The following GLT1D1 variants were observed in gnomAD, a reference collection of about 807,000 sequenced individuals.
GLT1D1 encodes the protein glycosyltransferase 1 domain-containing protein 1.
GLT1D1 carries 21 observed loss-of-function variants against 28.7 expected under a neutral mutation model. That is an observed-to-expected ratio of 0.73 (90% CI 0.52 to 1.05). The LOEUF is 1.05. Among genes scored for constraint, GLT1D1 ranks in the 50% least tolerant of loss-of-function variants. The pLI, the probability that GLT1D1 is intolerant of heterozygous loss-of-function variation, is 0.00. For synonymous variants in GLT1D1, 147 were observed against 124.8 expected, an observed-to-expected ratio of 1.18 and a Z score of -1.19; for missense variants, 343 against 330.6, an observed-to-expected ratio of 1.04 and a Z score of -0.29.
At position 128,853,608 on chromosome 12, in the gene GLT1D1, G is replaced by T. The variant is rs1230585472; in HGVS notation, c.27G>T (p.Leu9=). Residue 9 remains leucine, a synonymous_variant, in exon 1 of 8, where the codon CTG becomes CTT. Transcript: ENST00000281703. ...TGCGGCTCCTGTTCCTGGCGGTGCT[G>T]CGGCCACACACCGGCAACGCGGTCA... is the stretch of plus-strand genomic sequence containing the variant. 8.5e-7 allele frequency: 1 copy of T among 1,178,096 alleles called. No individual in the cohort carries two copies. Among genetic ancestry groups the T allele is most frequent in the South Asian group, 2.3e-5 (1 of 43,092 alleles). 73.0% of individuals were successfully genotyped at this position (1,178,096 alleles called of 1,614,324 possible). A position where few individuals can be genotyped will look rare whatever the true frequency, so the allele number is the denominator to read the frequency against.
intron 1 of GLT1D1, among the ~76,000 whole-genome samples, chr12:128,855,293 G>C (rs574794363): frequency 6.6e-6 from 1 of 151,576 alleles, no homozygotes; most frequent in East Asian, 1.9e-4. Flanking sequence ...CTTTCATGGC[G>C]GCTCAAGCCT....
At chr12:128,873,623 A>G (rs1437054102) in intron 1 of GLT1D1, among the ~76,000 whole-genome samples, 1 of 152,154 alleles carries the variant, frequency 6.6e-6, no homozygotes, top group African/African-American at 2.4e-5. Flanking sequence ...GGTTGTACCA[A>G]TTTGCTCTCT....
intron 2 of GLT1D1, among the ~76,000 whole-genome samples, chr12:128,881,136 G>A (rs1593074719): frequency 6.7e-6 from 1 of 150,352 alleles, no homozygotes; most frequent in Non-Finnish European, 1.5e-5. Flanking sequence ...AGGAAGGCGA[G>A]TGGCGTGAAC....
chr12:128,982,970 A>C lies in GLT1D1; in HGVS notation c.681A>C (p.Ala227=). 1 of 1,614,174 alleles carries C rather than the reference A, an allele frequency of 6.2e-7. No homozygotes were observed. Among genetic ancestry groups the C allele is most frequent in the Non-Finnish European group, 8.5e-7 (1 of 1,179,992 alleles). ...CAAAGAGACTGGTTAGTGATCCTGC[A>C]TTAGAAAAGGAAATCGTAGTGAACG... Residue 227 remains alanine, a synonymous_variant, in exon 8 of 8, where the codon GCA becomes GCC. Coordinates refer to ENST00000281703, the MANE Select transcript of GLT1D1 (RefSeq NM_144669.3).
chr12:128,970,921 C>T (rs975908503), intron 7 of GLT1D1, among the ~76,000 whole-genome samples: 7 of 152,246 alleles, frequency 4.6e-5, no homozygotes, highest in Non-Finnish European at 1.5e-5. Context: ...CTGATATGGA[C>T]TGGGTGCTCA....
chr12:128,906,472 T>G (rs1870881566), intron 4 of GLT1D1, among the ~76,000 whole-genome samples: 1 of 152,192 alleles, frequency 6.6e-6, no homozygotes, highest in African/African-American at 2.4e-5. Context: ...ATGTCTCCAT[T>G]GGGCTCAAAA....
At chr12:128,879,454 CTTTCTTTT>C (rs1956979352) in intron 2 of GLT1D1, among the ~76,000 whole-genome samples, 4 of 94,070 alleles carry the variant, frequency 4.3e-5, no homozygotes, top group Admixed American at 1.2e-4. Context: ...TTCTTTCTTT[CTTTCTTTT>C]TTTTGGGGGG....
rs1297324758 is a variant in GLT1D1 at position 128,903,932 on chromosome 12, T to C, written c.375+4645T>C. On this transcript the variant is annotated intron_variant, in intron 4 of 7. Coordinates refer to ENST00000281703, the MANE Select transcript of GLT1D1 (RefSeq NM_144669.3). ...TTTTGGTAGAGACGGGGTTTCACCA[T>C]GTTGGCCAGGCTGGTCTCGAACTCC... Among the ~76,000 whole-genome samples, 4 of 151,776 alleles carry C rather than the reference T, an allele frequency of 2.6e-5. No individual in the cohort carries two copies. In the East Asian group the frequency reaches 7.7e-4, roughly 29 times the overall value.
chr12:128,952,738 G>A (rs1289950807), intron 6 of GLT1D1, among the ~76,000 whole-genome samples: 4 of 131,280 alleles, frequency 3.0e-5, no homozygotes, highest in African/African-American at 1.1e-4. Context: ...GCCTCCCAAA[G>A]TTCTGGGATT....
chr12:128,859,512 A>T (rs1020053318), intron 1 of GLT1D1, among the ~76,000 whole-genome samples: 25 of 152,238 alleles, frequency 1.6e-4, no homozygotes, highest in African/African-American at 5.3e-4. Context: ...ATTGAGTGGG[A>T]CGCCACTCCA....
chr12:128,958,769 A>AG (rs1877572422), intron 7 of GLT1D1, among the ~76,000 whole-genome samples: 1 of 149,518 alleles, frequency 6.7e-6, no homozygotes, highest in South Asian at 2.1e-4. Context: ...AAAAAAAAAA[A>AG]AAAAAAAAGG....
At chr12:128,948,381 A>G (rs1041722365) in intron 6 of GLT1D1, among the ~76,000 whole-genome samples, 4 of 152,118 alleles carry the variant, frequency 2.6e-5, no homozygotes, top group Non-Finnish European at 2.9e-5. Flanking sequence ...GGCTGGGCTC[A>G]CTCACACCAA....
chr12:128,927,030 T>C lies in GLT1D1; in HGVS notation c.376-18296T>C, dbSNP rs555593759. ...AATTTATGTTATTGAGAAATTTATA[T>C]TGAAGTTAGTTGTGCTTGCAGCTGT... On this transcript the variant is annotated intron_variant, in intron 4 of 7. Transcript: ENST00000281703. 88 of 917,436 alleles carry C rather than the reference T, an allele frequency of 9.6e-5. No individual in the cohort carries two copies. In the African/African-American group the frequency reaches 1.3e-3, roughly 14 times the overall value. The allele number at this position is 917,436 out of a possible 1,614,324, so 56.8% of individuals were successfully genotyped here.
chr12:128,921,817 CAG>C (rs35461406), intron 4 of GLT1D1, among the ~76,000 whole-genome samples: 38,084 of 151,882 alleles, frequency 0.25, 5,319 homozygotes, highest in Non-Finnish European at 0.33. Context: ...AAGAATTAAA[CAG>C]AGTCTCTTCA....
At chr12:128,887,746 T>C (rs929757796) in intron 2 of GLT1D1, among the ~76,000 whole-genome samples, 27 of 152,192 alleles carry the variant, frequency 1.8e-4, no homozygotes, top group African/African-American at 6.5e-4. Context: ...CAAAGGCCAG[T>C]AAAAGGAAAG....
intron 4 of GLT1D1, among the ~76,000 whole-genome samples, chr12:128,900,951 C>CA (rs1165342796): frequency 6.6e-6 from 1 of 152,046 alleles, no homozygotes; most frequent in Non-Finnish European, 1.5e-5. Flanking sequence ...GTTGGACTAT[C>CA]TATCTGCCTT....
Position 128,854,394 on chromosome 12 carries a change from CGTGTGTGTGTGT to C in GLT1D1, c.68+778_68+789del, listed in dbSNP as rs56655033. Among the ~76,000 whole-genome samples, 178 of 143,952 alleles carry C rather than the reference CGTGTGTGTGTGT, an allele frequency of 1.2e-3. 3 individuals carry two copies. The East Asian group carries it at 0.029, about 23-fold the overall frequency. The allele number at this position is 143,952 out of a possible 152,430, so 94.4% of individuals were successfully genotyped here. ...TTAGAGCCTGCAGCTTAACAGAAGCCGTGTGTGTGTGTGTGTGTGTGTGTGTGTGTGTGTGTG... is the reference window on the plus strand; with the variant it reads ...TTAGAGCCTGCAGCTTAACAGAAGCCGTGTGTGTGTGTGTGTGTGTGTGTG... On this transcript the variant is annotated intron_variant, in intron 1 of 7. Coordinates refer to ENST00000281703, the MANE Select transcript of GLT1D1 (RefSeq NM_144669.3).
intron 1 of GLT1D1, among the ~76,000 whole-genome samples, chr12:128,869,536 T>C (rs1956631606): frequency 6.6e-6 from 1 of 151,976 alleles, no homozygotes; most frequent in Admixed American, 6.6e-5. Context: ...TTATAAAACA[T>C]ATTTGAAATA....
At chr12:128,890,138 GTCT>G (rs1407251638) in intron 3 of GLT1D1, among the ~76,000 whole-genome samples, 2 of 152,188 alleles carry the variant, frequency 1.3e-5, no homozygotes. Flanking sequence ...GAATAGGGAA[GTCT>G]TCTCTGCTTT....
Sources: gnomAD v4.1 joint callset for allele counts (sites outside exome capture counted in the v4.1 genomes callset) on GRCh38, gnomAD v4.1.1 for gene constraint, MANE v1.5 for transcripts, NCBI Gene and HGNC (gene_info 2026-07-23, HGNC 2026-07-21) for gene names.